The following ROPN1L variants were observed in gnomAD, a reference collection of about 807,000 sequenced individuals.
ROPN1L encodes ropporin-1-like protein.
A neutral mutation model predicts 22.7 loss-of-function variants in ROPN1L; 23 were observed. That is an observed-to-expected ratio of 1.01 (90% confidence interval 0.73 to 1.43). ROPN1L has a LOEUF of 1.43. Among genes scored for constraint, ROPN1L ranks in the 40% most tolerant of loss-of-function variants. The probability of loss-of-function intolerance (pLI) is 0.00; values close to 1 mark genes in which losing one functional copy is unlikely to be tolerated. For missense variants in ROPN1L, 271 were observed against 291.5 expected (o/e 0.93, Z 0.51); for synonymous variants, 116 against 117.8 (o/e 0.98, Z 0.10).
At chr5:10,460,780 G>A (rs893482415) in intron 3 of ROPN1L, among the ~76,000 whole-genome samples, 6 of 152,242 alleles carry the variant, frequency 3.9e-5, no homozygotes, top group African/African-American at 1.4e-4. Context: ...GCCCTCTGCA[G>A]GCAGCACCTC....
chr5:10,460,236 T>C (rs554897763), intron 3 of ROPN1L, among the ~76,000 whole-genome samples: 2 of 152,392 alleles, frequency 1.3e-5, no homozygotes, highest in African/African-American at 4.8e-5. Context: ...AGTAATCTTA[T>C]GTTACATGGT....
intron 3 of ROPN1L, among the ~76,000 whole-genome samples, chr5:10,452,132 C>T (rs1478660056): frequency 2.6e-5 from 4 of 151,752 alleles, no homozygotes; most frequent in Admixed American, 6.6e-5. Context: ...AGGCATGCAC[C>T]ACCATGCTCA....
chr5:10,468,137 G>C (rs1193022583), downstream of ROPN1L, among the ~76,000 whole-genome samples: 1 of 152,244 alleles, frequency 6.6e-6, no homozygotes, highest in African/African-American at 2.4e-5. Flanking sequence ...CCAGCCCCCA[G>C]GGGTTGTCCC....
chr5:10,456,889 T>A (rs1418601649), intron 3 of ROPN1L, among the ~76,000 whole-genome samples: 1 of 152,232 alleles, frequency 6.6e-6, no homozygotes, highest in East Asian at 1.9e-4. Context: ...AGATCTCATC[T>A]GCCTGCTCCA....
Position 10,442,156 on chromosome 5 carries a change from C to G in ROPN1L, c.-12C>G, listed in dbSNP as rs1212277667. The G allele has an allele frequency of 1.2e-6, 2 of 1,612,766 alleles. No homozygotes were observed. Among genetic ancestry groups the G allele is most frequent in the Non-Finnish European group, 1.7e-6 (2 of 1,179,270 alleles). ...CCGCGATTCACCAGCCTGGTCCCTT[C>G]TGCGGAGAGCGATGCCGCTTCCCGA... On this transcript the variant is annotated 5_prime_UTR_variant, in exon 1 of 5. Transcript: ENST00000274134.
chr5:10,464,973 C>G lies in ROPN1L; in HGVS notation c.*26C>G. On this transcript the variant is annotated 3_prime_UTR_variant, in exon 5 of 5. Transcript: ENST00000274134. ...TACAGAGAAGAATACATTTTAATGTCAAAATAGTGCTCTTTAAAATTCTGG... is the reference window on the plus strand; with the variant it reads ...TACAGAGAAGAATACATTTTAATGTGAAAATAGTGCTCTTTAAAATTCTGG... 7.5e-7 allele frequency: 1 copy of G among 1,335,286 alleles called. No individual in the cohort carries two copies. The highest frequency in any genetic ancestry group is 2.3e-5 in the East Asian group (1 of 42,704). 82.7% of individuals were successfully genotyped at this position (1,335,286 alleles called of 1,614,324 possible).
downstream of ROPN1L, among the ~76,000 whole-genome samples, chr5:10,468,515 A>G (rs959774213): frequency 1.3e-5 from 2 of 152,230 alleles, no homozygotes; most frequent in East Asian, 3.8e-4. Context: ...TAAAATAGCC[A>G]TAGGTAGTTG....
At chr5:10,469,083 A>C (rs1443845455), downstream of ROPN1L, among the ~76,000 whole-genome samples, 2 of 152,154 alleles carry the variant, frequency 1.3e-5, no homozygotes. Context: ...TGAACCTGGG[A>C]GGCGGAGCTT....
intron 2 of ROPN1L, 135 bp from the exon 3 acceptor site, chr5:10,449,817 C>A (rs1016965495): frequency 4.5e-6 from 3 of 661,924 alleles, no homozygotes; most frequent in Admixed American, 3.4e-5. Context: ...CTGACAGAAC[C>A]CCCTGTCATG....
At chr5:10,456,714 C>T (rs969923068) in intron 3 of ROPN1L, among the ~76,000 whole-genome samples, 2 of 152,140 alleles carry the variant, frequency 1.3e-5, no homozygotes, top group Non-Finnish European at 1.5e-5. Context: ...GAGCAAGTTG[C>T]CTTATGAATC....
In ROPN1L at chr5:10,448,252, T is replaced by C. The variant is rs750947604; in HGVS notation, c.132-8T>C. 37 of 1,613,804 alleles carry C rather than the reference T, an allele frequency of 2.3e-5. No homozygotes were observed. The highest frequency in any genetic ancestry group is 3.0e-5 in the Non-Finnish European group (35 of 1,179,914). Reference sequence around the variant, plus strand: ...GATGAGCTTTCAGAGATGTCTGTTATTTATTAGCTATTTTTCAGCTCTGTC... The same window carrying C: ...GATGAGCTTTCAGAGATGTCTGTTACTTATTAGCTATTTTTCAGCTCTGTC... On this transcript the variant is annotated splice_polypyrimidine_tract_variant and splice_region_variant and intron_variant, in intron 1 of 4. Coordinates refer to ENST00000274134, the MANE Select transcript of ROPN1L (RefSeq NM_031916.5).
the ROPN1L span, among the ~76,000 whole-genome samples, chr5:10,478,555 A>G: frequency 3.9e-5 from 6 of 152,046 alleles, no homozygotes; most frequent in Admixed American, 6.6e-5. Context: ...GTGTGGGTGC[A>G]TTACTCCAAT....
chr5:10,452,307 G>GTGTC (rs1206416856), intron 3 of ROPN1L, among the ~76,000 whole-genome samples: 85 of 144,752 alleles, frequency 5.9e-4, no homozygotes, highest in South Asian at 3.7e-3. Flanking sequence ...GTGTGTGTGT[G>GTGTC]TGTGTGTCTG....
chr5:10,462,258 C>A (rs1369860485), intron 4 of ROPN1L, among the ~76,000 whole-genome samples: 1 of 152,202 alleles, frequency 6.6e-6, no homozygotes, highest in Non-Finnish European at 1.5e-5. Context: ...ATGCCAGGAG[C>A]GGGGGTTGAA....
chr5:10,448,492 C>A, intron 2 of ROPN1L, 109 bp downstream of exon 2: 2 of 1,249,810 alleles, frequency 1.6e-6, no homozygotes, highest in African/African-American at 1.5e-5. Context: ...TATTTCAAAC[C>A]TCCTGAGGTC....
chr5:10,445,545 C>T (rs1741030564), intron 1 of ROPN1L, among the ~76,000 whole-genome samples: 2 of 151,932 alleles, frequency 1.3e-5, no homozygotes, highest in Non-Finnish European at 2.9e-5. Context: ...GGAAGCAGCA[C>T]AGGAAGAAGG....
rs1425768817 is a variant in ROPN1L at position 10,461,230 on chromosome 5, A to C, written c.464A>C (p.Asp155Ala). 6.2e-7 allele frequency: 1 copy of C among 1,614,114 alleles called. No individual in the cohort carries two copies. Among genetic ancestry groups the C allele is most frequent in the South Asian group, 1.1e-5 (1 of 91,084 alleles). ...CACCTGTGCGAGATCCTCACGGACGATCCGGAGGGCGGGCCCGCTCGCATC... is the reference window on the plus strand; with the variant it reads ...CACCTGTGCGAGATCCTCACGGACGCTCCGGAGGGCGGGCCCGCTCGCATC... ...LKHLCEILTDDPEGGPARIPF... is the reference protein window; with the variant it reads ...LKHLCEILTDAPEGGPARIPF... The change falls in exon 4 of 5, where the codon GAT (aspartate) becomes GCT (alanine). Residue 155 changes from aspartate to alanine, a missense_variant. Asp to Ala is a moderately radical substitution (Grantham distance 126). Transcript: ENST00000274134.
intron 4 of ROPN1L, chr5:10,461,597 GGAGATAGCCTGA>G (rs916071843): frequency 7.1e-5 from 30 of 421,546 alleles, no homozygotes; most frequent in Non-Finnish European, 1.0e-4. Flanking sequence ...CTGTCTACCT[GGAGATAGCCTGA>G]GATCCCACAG....
chr5:10,479,885 C>G, the ROPN1L span, among the ~76,000 whole-genome samples: 3 of 152,166 alleles, frequency 2.0e-5, no homozygotes, highest in Non-Finnish European at 4.4e-5. Flanking sequence ...GCTGAGATTA[C>G]AGGCATGCGC....
Sources: gnomAD v4.1 joint callset for allele counts (sites outside exome capture counted in the v4.1 genomes callset) on GRCh38, gnomAD v4.1.1 for gene constraint, MANE v1.5 for transcripts, NCBI Gene and HGNC (gene_info 2026-07-23, HGNC 2026-07-21) for gene names.